Variants in DPP6 observed in about 807,000 individuals in gnomAD.
The protein encoded by DPP6 is A-type potassium channel modulatory protein DPP6.
Under a neutral mutation model 122.6 loss-of-function variants are expected in DPP6, and 69 were observed. The observed-to-expected ratio is 0.56, with a 90% CI of 0.46 to 0.69. The LOEUF is 0.69. Ranked by LOEUF, DPP6 falls within the 30% of genes least tolerant of loss-of-function variation. The pLI is 0.00. For synonymous variants in DPP6, 418 were observed against 433.1 expected (o/e 0.97, Z 0.43); for missense variants, 928 against 1,116.9 (o/e 0.83, Z 2.41).
At chr7:154,448,840 T>C (rs1471909113) in intron 2 of DPP6, among the ~76,000 whole-genome samples, 1 of 152,136 alleles carries the variant, frequency 6.6e-6, no homozygotes, top group East Asian at 1.9e-4. Flanking sequence ...TTCCACCAAA[T>C]GGTGGTGGTA....
Position 154,235,979 on chromosome 7 carries a change from G to A in DPP6, c.243+182916G>A, listed in dbSNP as rs114966417. 7.2e-3 allele frequency among the ~76,000 whole-genome samples: 1,098 copies of A among 152,112 alleles called. 19 individuals carry two copies. The highest frequency in any genetic ancestry group is 0.025 in the African/African-American group (1,027 of 41,488). The stretch of plus-strand genomic sequence containing the variant: ...GAGATTCTCTTGCCTCAGTCTCCCA[G>A]CTATCTGGGATTATGTGCGTGCGCC... On this transcript the variant is annotated intron_variant, in intron 1 of 25. Transcript: ENST00000377770.
chr7:154,502,592 G>C (rs1472974135), intron 3 of DPP6, among the ~76,000 whole-genome samples: 1 of 152,116 alleles, frequency 6.6e-6, no homozygotes, highest in Non-Finnish European at 1.5e-5. Context: ...ACCTTCTGCT[G>C]TGACTGTGAG....
chr7:154,398,558 C>T (rs1419382319), intron 1 of DPP6, among the ~76,000 whole-genome samples: 1 of 152,108 alleles, frequency 6.6e-6, no homozygotes, highest in African/African-American at 2.4e-5. Context: ...TTTTTCCTTT[C>T]TATTTTATGG....
chr7:154,349,069 G>A (rs1473384519), intron 1 of DPP6, among the ~76,000 whole-genome samples: 1 of 152,256 alleles, frequency 6.6e-6, no homozygotes, highest in African/African-American at 2.4e-5. Flanking sequence ...GGGGTCCACA[G>A]CTGTAAGTGG....
At chr7:154,256,744 C>T (rs1209152695) in intron 1 of DPP6, among the ~76,000 whole-genome samples, 1 of 152,196 alleles carries the variant, frequency 6.6e-6, no homozygotes, top group African/African-American at 2.4e-5. Context: ...ATTCTTGATT[C>T]TCAGTAGGTC....
chr7:154,366,765 C>A (rs1462024130), intron 1 of DPP6, among the ~76,000 whole-genome samples: 2 of 152,112 alleles, frequency 1.3e-5, no homozygotes, highest in African/African-American at 2.4e-5. Flanking sequence ...TAAAAAAAAT[C>A]AGAAAGTTGA....
chr7:154,475,959 CCGT>C (rs1452832969), intron 3 of DPP6: 1 of 152,192 alleles, frequency 6.6e-6, no homozygotes, highest in African/African-American at 2.4e-5. Context: ...GGCTAGCAGC[CCGT>C]CCCCTGACTT....
chr7:154,591,758 C>T (rs1335244171), intron 5 of DPP6, among the ~76,000 whole-genome samples: 1 of 152,232 alleles, frequency 6.6e-6, no homozygotes, highest in East Asian at 1.9e-4. Flanking sequence ...TCGCCAGCTG[C>T]AGGCCCTGGC....
At chr7:153,800,605 C>A in the DPP6 span, among the ~76,000 whole-genome samples, 3 of 152,110 alleles carry the variant, frequency 2.0e-5, no homozygotes, top group Non-Finnish European at 4.4e-5. Context: ...CAACCTCCAC[C>A]TCCCAGGTTC....
At chr7:154,439,077 C>T (rs998976129) in intron 1 of DPP6, among the ~76,000 whole-genome samples, 1 of 152,204 alleles carries the variant, frequency 6.6e-6, no homozygotes, top group East Asian at 1.9e-4. Flanking sequence ...TTACTTTAGT[C>T]TCTGCCATTC....
Position 154,495,097 on chromosome 7 carries a change from A to T in DPP6, c.457+20060A>T, listed in dbSNP as rs1458253609. On this transcript the variant is annotated intron_variant, in intron 3 of 25. Coordinates refer to ENST00000377770, the MANE Select transcript of DPP6 (RefSeq NM_130797.4). ...GAGGAGGGAGCAGGGAATTTCTCTAAATATTGCAGGTAAAAAGGTTTAGGA... is the reference window on the plus strand; with the variant it reads ...GAGGAGGGAGCAGGGAATTTCTCTATATATTGCAGGTAAAAAGGTTTAGGA... 3.3e-5 allele frequency among the ~76,000 whole-genome samples: 5 copies of T among 152,218 alleles called. No homozygotes were observed. In the East Asian group the frequency reaches 9.6e-4, roughly 29 times the overall value.
intron 8 of DPP6, among the ~76,000 whole-genome samples, chr7:154,759,855 C>A (rs929962646): frequency 6.6e-6 from 1 of 152,184 alleles, no homozygotes; most frequent in Non-Finnish European, 1.5e-5. Context: ...AGTCTATTCC[C>A]AGCTGGGCGT....
At chr7:154,556,115 G>A (rs80304984) in intron 4 of DPP6, among the ~76,000 whole-genome samples, 2,718 of 152,174 alleles carry the variant, frequency 0.018, 71 homozygotes, top group African/African-American at 0.057. Context: ...ACACAAGAAC[G>A]ACGTTATATT....
At chr7:154,859,047 A>AG (rs999218890) in intron 17 of DPP6, among the ~76,000 whole-genome samples, 1 of 152,136 alleles carries the variant, frequency 6.6e-6, no homozygotes, top group African/African-American at 2.4e-5. Context: ...ATGTCTGACA[A>AG]GGGGGGAAAG....
Position 154,184,840 on chromosome 7 carries a change from G to A in DPP6, c.243+131777G>A, listed in dbSNP as rs73729296. On this transcript the variant is annotated intron_variant, in intron 1 of 25. Coordinates refer to ENST00000377770, the MANE Select transcript of DPP6 (RefSeq NM_130797.4). The stretch of plus-strand genomic sequence containing the variant: ...AACTGATCTGCAGCAGAAGCAATCA[G>A]CAGCCAGCTCTGTGTTGGGTGTTTA... Among the ~76,000 whole-genome samples the A allele has an allele frequency of 7.9e-3, 1,204 of 152,286 alleles. 21 individuals carry two copies. Among genetic ancestry groups the A allele is most frequent in the African/African-American group, 0.027 (1,137 of 41,538 alleles).
chr7:153,775,051 A>G, the DPP6 span, among the ~76,000 whole-genome samples: 1 of 150,542 alleles, frequency 6.6e-6, no homozygotes, highest in African/African-American at 2.5e-5. Flanking sequence ...CAACTCAATT[A>G]ATGAGGCCAT....
chr7:154,299,043 A>G (rs541722301), intron 1 of DPP6, among the ~76,000 whole-genome samples: 3 of 152,374 alleles, frequency 2.0e-5, no homozygotes, highest in African/African-American at 7.2e-5. Context: ...GTGTTCTGCA[A>G]GCTGAGGAGA....
chr7:154,884,618 T>TACACACAC (rs1563325799), intron 21 of DPP6: 1 of 98,050 alleles, frequency 1.0e-5, no homozygotes, highest in African/African-American at 4.2e-5. Context: ...TACATACACA[T>TACACACAC]GCTCACACAG....
chr7:154,451,821 G>A (rs1820404582), intron 2 of DPP6, among the ~76,000 whole-genome samples: 1 of 152,236 alleles, frequency 6.6e-6, no homozygotes, highest in African/African-American at 2.4e-5. Context: ...GTTCTGCTGG[G>A]CTTTCATGGG....
Sources: gnomAD v4.1 joint callset for allele counts (sites outside exome capture counted in the v4.1 genomes callset) on GRCh38, gnomAD v4.1.1 for gene constraint, MANE v1.5 for transcripts, NCBI Gene and HGNC (gene_info 2026-07-23, HGNC 2026-07-21) for gene names.